GYG1: variants seen among roughly 807,000 people sequenced by gnomAD.
The protein encoded by GYG1 is glycogenin 1.
GYG1 carries 44 observed loss-of-function variants against 41.9 expected under a neutral mutation model. The observed-to-expected ratio is 1.05, with a 90% CI of 0.83 to 1.35. The LOEUF is 1.35. Among genes scored for constraint, GYG1 ranks in the 40% most tolerant of loss-of-function variants. GYG1 has a pLI of 0.00. For synonymous variants in GYG1, 141 were observed against 158.1 expected (o/e 0.89, Z 0.81); for missense variants, 429 against 418.9 (o/e 1.02, Z -0.21).
Position 149,023,930 on chromosome 3 carries a change from G to A in GYG1, c.609-123G>A, listed in dbSNP as rs544261523. The A allele has an allele frequency of 1.7e-5, 13 of 748,716 alleles. No individual in the cohort carries two copies. The African/African-American group carries it at 1.9e-4, about 11-fold the overall frequency. 46.4% of individuals were successfully genotyped at this position (748,716 alleles called of 1,614,324 possible). On this transcript the variant is annotated intron_variant, in intron 5 of 7. Coordinates refer to ENST00000345003, the MANE Select transcript of GYG1 (RefSeq NM_004130.4). ...TGTCATGCTACTGCACTCCAGCCTG[G>A]GTGACAGAGTGAGACACTGTCTCTT...
At chr3:149,022,189 G>A (rs187085607) in intron 5 of GYG1, among the ~76,000 whole-genome samples, 12 of 152,212 alleles carry the variant, frequency 7.9e-5, no homozygotes, top group African/African-American at 2.9e-4. Flanking sequence ...TTACATTCAC[G>A]TTTGGTTTTT....
intron 4 of GYG1, among the ~76,000 whole-genome samples, chr3:149,005,746 G>A (rs868514899): frequency 2.7e-4 from 41 of 152,136 alleles, no homozygotes; most frequent in Admixed American, 5.2e-4. Context: ...TTAATTGTAA[G>A]AGTTTTTTAA....
intron 4 of GYG1, among the ~76,000 whole-genome samples, chr3:148,999,921 C>A (rs1712999480): frequency 6.6e-6 from 1 of 152,166 alleles, no homozygotes; most frequent in South Asian, 2.1e-4. Flanking sequence ...GACTGTATCT[C>A]AGTGTGAATA....
chr3:149,005,331 C>T (rs1223989454), intron 4 of GYG1, among the ~76,000 whole-genome samples: 26 of 152,100 alleles, frequency 1.7e-4, no homozygotes, highest in Admixed American at 1.7e-3. Flanking sequence ...GGGGAAGGAA[C>T]ATCTATTACA....
Position 148,996,319 on chromosome 3 carries a change from T to C in GYG1, c.161T>C (p.Val54Ala). 1.9e-6 allele frequency: 3 copies of C among 1,611,244 alleles called. No individual in the cohort carries two copies. Among genetic ancestry groups the C allele is most frequent in the Non-Finnish European group, 2.5e-6 (3 of 1,179,082 alleles). The change falls in exon 3 of 8, where the codon GTC becomes GCC. Residue 54 changes from valine (V) to alanine (A), a missense_variant. Coordinates refer to ENST00000345003, the MANE Select transcript of GYG1 (RefSeq NM_004130.4). ...TTTGACAGAAAAGTTTTAGAGACAG[T>C]CTTTGATGAAGTCATCATGGTAGAT... ...SDSMRKVLET[V>A]FDEVIMVDVL...
At position 148,996,406 on chromosome 3, in the gene GYG1, C is replaced by G. The variant is rs267606858; in HGVS notation, c.248C>G (p.Thr83Arg). 4 of 1,613,578 alleles carry G rather than the reference C, an allele frequency of 2.5e-6. No individual in the cohort carries two copies. Among genetic ancestry groups the G allele is most frequent in the Non-Finnish European group, 2.5e-6 (3 of 1,179,716 alleles). ...TLMKRPELGV[T>R]LTKLHCWSLT... ...ATGAAGAGGCCAGAGTTGGGTGTCACGCTGACAAAGCTCCACTGCTGGTCG... is the reference window on the plus strand; with the variant it reads ...ATGAAGAGGCCAGAGTTGGGTGTCAGGCTGACAAAGCTCCACTGCTGGTCG... Residue 83 changes from threonine to arginine, a missense_variant, in exon 3 of 8, where the codon ACG (threonine) becomes AGG (arginine). Physicochemically the swap from Thr to Arg is moderately conservative, Grantham distance 71 (BLOSUM62 -1). Transcript: ENST00000345003.
intron 5 of GYG1, among the ~76,000 whole-genome samples, chr3:149,017,162 C>A (rs1306432019): frequency 6.6e-6 from 1 of 152,220 alleles, no homozygotes; most frequent in African/African-American, 2.4e-5. Flanking sequence ...AAAATTCTAT[C>A]TGATCTTTTG....
chr3:149,011,803 T>A (rs1192154347), intron 5 of GYG1, among the ~76,000 whole-genome samples: 1 of 152,194 alleles, frequency 6.6e-6, no homozygotes, highest in African/African-American at 2.4e-5. Flanking sequence ...TCCCCCGGGT[T>A]TATTGTAACC....
intron 5 of GYG1, among the ~76,000 whole-genome samples, chr3:149,010,776 G>T (rs181909281): frequency 6.6e-6 from 1 of 152,344 alleles, no homozygotes; most frequent in Non-Finnish European, 1.5e-5. Context: ...GGGACTAGCT[G>T]TCAGGTCGAT....
Position 149,029,636 on chromosome 3 carries a change from GC to G in GYG1, c.*2704del, listed in dbSNP as rs1714845458. Among the ~76,000 whole-genome samples the G allele has an allele frequency of 6.6e-6, 1 of 152,132 alleles. No homozygotes were observed. ...TAATGAATCTCATCCAAATGCTAAT[GC>G]ATAAACCTTGACAAGTAGTATAAAT... On this transcript the variant is annotated 3_prime_UTR_variant, in exon 8 of 8. Transcript: ENST00000345003.
chr3:149,009,199 G>A (rs999280048), intron 4 of GYG1, 77 bp from the exon 5 acceptor site: 3 of 1,124,592 alleles, frequency 2.7e-6, no homozygotes, highest in Non-Finnish European at 1.3e-6. Flanking sequence ...ATTTTTAAAG[G>A]TCCAGTTATG....
chr3:148,994,937 GT>G (rs1297619379), intron 2 of GYG1, among the ~76,000 whole-genome samples: 1 of 152,174 alleles, frequency 6.6e-6, no homozygotes, highest in Non-Finnish European at 1.5e-5. Flanking sequence ...TCTCAGCACT[GT>G]GGGAGGCCAA....
At chr3:149,009,204 G>T in intron 4 of GYG1, 72 bp from the exon 5 acceptor site, 1 of 1,191,694 alleles carries the variant, frequency 8.4e-7, no homozygotes, top group South Asian at 1.3e-5. Context: ...TAAAGGTCCA[G>T]TTATGTGCTC....
intron 4 of GYG1, 156 bp from the exon 5 acceptor site, chr3:149,009,120 C>T (rs1576545771): frequency 1.7e-6 from 1 of 592,080 alleles, no homozygotes; most frequent in East Asian, 3.1e-5. Flanking sequence ...GATCGTGCCA[C>T]TGCACTCCAG....
intron 4 of GYG1, chr3:149,008,092 C>T (rs116395269): frequency 0.014 from 2,119 of 152,302 alleles, 45 homozygotes; most frequent in African/African-American, 0.049. Flanking sequence ...AGGATCTGCC[C>T]AGAGACTTTT....
chr3:149,012,997 T>TTGTGTGTGTGTGTGTG (rs10575910), intron 5 of GYG1, among the ~76,000 whole-genome samples: 2,621 of 141,404 alleles, frequency 0.019, 57 homozygotes, highest in African/African-American at 0.049. Context: ...CTCAGTTAAT[T>TTGTGTGTGTGTGTGTG]TGTGTGTGTG....
intron 1 of GYG1, among the ~76,000 whole-genome samples, chr3:148,993,590 C>T (rs1295947825): frequency 6.6e-6 from 1 of 152,074 alleles, no homozygotes; most frequent in East Asian, 1.9e-4. Flanking sequence ...CTGCAGTGAG[C>T]TATGATCACA....
chr3:149,017,582 GTTTTTTTTTT>G (rs58075146), intron 5 of GYG1, among the ~76,000 whole-genome samples: 9 of 47,328 alleles, frequency 1.9e-4, no homozygotes, highest in Non-Finnish European at 2.4e-4. Flanking sequence ...TTTTATTTAG[GTTTTTTTTTT>G]TTTTTTTTTT....
intron 4 of GYG1, chr3:149,003,807 T>TC (rs1288845343): frequency 1.3e-5 from 2 of 152,232 alleles, no homozygotes; most frequent in Non-Finnish European, 2.9e-5. Flanking sequence ...GGGGCTCATG[T>TC]CTAAACCAGA....
Sources: gnomAD v4.1 joint callset for allele counts (sites outside exome capture counted in the v4.1 genomes callset) on GRCh38, gnomAD v4.1.1 for gene constraint, MANE v1.5 for transcripts, NCBI Gene and HGNC (gene_info 2026-07-23, HGNC 2026-07-21) for gene names.